The following EPHA5 variants were observed in gnomAD, a reference collection of about 807,000 sequenced individuals.
EPHA5 encodes the protein EPH receptor A5.
Under a neutral mutation model 105.0 loss-of-function variants are expected in EPHA5, and 60 were observed. That is an observed-to-expected ratio of 0.57 (90% CI 0.46 to 0.71). The LOEUF is 0.71. Ranked by LOEUF, EPHA5 falls within the 30% of genes least tolerant of loss-of-function variation. The probability of loss-of-function intolerance (pLI) is 0.00; values close to 1 mark genes in which losing one functional copy is unlikely to be tolerated. For missense variants in EPHA5, 1,218 were observed against 1,274.7 expected (o/e 0.96, Z 0.68); for synonymous variants, 513 against 449.1 (o/e 1.14, Z -1.80).
intron 16 of EPHA5, among the ~76,000 whole-genome samples, chr4:65,326,468 C>G (rs1720091380): frequency 6.6e-6 from 1 of 151,280 alleles, no homozygotes; most frequent in African/African-American, 2.4e-5. Context: ...GGGAATGAAA[C>G]ACATACTTTG....
chr4:65,323,727 T>C lies in EPHA5; in HGVS notation c.*387A>G, dbSNP rs527723610. 177 of 231,642 alleles carry C rather than the reference T, an allele frequency of 7.6e-4. 2 individuals carry two copies. The South Asian group carries it at 7.9e-3, about 10-fold the overall frequency. 14.3% of individuals were successfully genotyped at this position (231,642 alleles called of 1,614,324 possible). On this transcript the variant is annotated 3_prime_UTR_variant, in exon 17 of 17. Transcript: ENST00000613740. ...GCTTTTGTTAGCTCACAAATGGCTA[T>C]AAAACATTTCCTTTCAAGTAGATCC...
chr4:65,596,323 G>A (rs1445277738), intron 3 of EPHA5, among the ~76,000 whole-genome samples: 1 of 152,038 alleles, frequency 6.6e-6, no homozygotes, highest in African/African-American at 2.4e-5. Flanking sequence ...GGAGTGGGGT[G>A]TCCTACTGCG....
At chr4:65,440,068 T>C (rs1725865590) in intron 5 of EPHA5, among the ~76,000 whole-genome samples, 1 of 152,048 alleles carries the variant, frequency 6.6e-6, no homozygotes, top group Admixed American at 6.6e-5. Context: ...TTATATATGG[T>C]CTTTGAGAAT....
At chr4:65,361,070 C>G (rs1389845129) in intron 11 of EPHA5, among the ~76,000 whole-genome samples, 1 of 151,634 alleles carries the variant, frequency 6.6e-6, no homozygotes, top group Non-Finnish European at 1.5e-5. Context: ...GGGCTTGGAT[C>G]TAGGAACACA....
chr4:65,595,451 G>GA (rs1743076744), intron 3 of EPHA5, among the ~76,000 whole-genome samples: 2 of 151,974 alleles, frequency 1.3e-5, no homozygotes, highest in East Asian at 1.9e-4. Flanking sequence ...TTACCCATTG[G>GA]AAAAAATGTA....
chr4:65,346,967 G>A (rs28706259), intron 14 of EPHA5, among the ~76,000 whole-genome samples: 1,603 of 152,276 alleles, frequency 0.011, 27 homozygotes, highest in African/African-American at 0.037. Context: ...CCTACAATTA[G>A]TCTAGGCCTC....
chr4:65,422,012 C>T (rs1406354739), intron 5 of EPHA5, among the ~76,000 whole-genome samples: 1 of 151,994 alleles, frequency 6.6e-6, no homozygotes, highest in African/African-American at 2.4e-5. Flanking sequence ...AAATAAATAC[C>T]AACACAGAAA....
intron 2 of EPHA5, among the ~76,000 whole-genome samples, chr4:65,623,809 T>C (rs1160269791): frequency 2.0e-5 from 3 of 152,282 alleles, no homozygotes; most frequent in African/African-American, 7.2e-5. Context: ...TATTGAGGAA[T>C]TCACATGAAA....
At chr4:65,569,625 C>G (rs1270023509) in intron 3 of EPHA5, among the ~76,000 whole-genome samples, 1 of 151,566 alleles carries the variant, frequency 6.6e-6, no homozygotes, top group Non-Finnish European at 1.5e-5. Context: ...TTACTTGAAA[C>G]ATGCATGAAA....
chr4:65,561,534 C>T (rs1485343407), intron 3 of EPHA5, among the ~76,000 whole-genome samples: 1 of 152,026 alleles, frequency 6.6e-6, no homozygotes, highest in Non-Finnish European at 1.5e-5. Context: ...AGGCTGTTCA[C>T]AGTGGTCCAT....
At chr4:65,562,390 C>T (rs1304642349) in intron 3 of EPHA5, among the ~76,000 whole-genome samples, 2 of 151,922 alleles carry the variant, frequency 1.3e-5, no homozygotes, top group East Asian at 1.9e-4. Flanking sequence ...CCAAAATGAC[C>T]ATAAATATTT....
intron 3 of EPHA5, among the ~76,000 whole-genome samples, chr4:65,506,563 C>T (rs1733048442): frequency 1.4e-5 from 2 of 145,378 alleles, no homozygotes; most frequent in Admixed American, 1.4e-4. Flanking sequence ...GAGATGGTAT[C>T]TCATTGTGGT....
intron 7 of EPHA5, among the ~76,000 whole-genome samples, chr4:65,411,053 GT>G (rs1722861986): frequency 6.6e-6 from 1 of 151,894 alleles, no homozygotes; most frequent in South Asian, 2.1e-4. Context: ...GTTTTGTTTT[GT>G]TTTATCACTG....
At chr4:65,356,433 A>G (rs1161387481) in intron 11 of EPHA5, among the ~76,000 whole-genome samples, 1 of 151,414 alleles carries the variant, frequency 6.6e-6, no homozygotes, top group African/African-American at 2.4e-5. Context: ...TTTATACCCT[A>G]AAGAGAATGT....
chr4:65,350,457 A>C (rs975015803), intron 13 of EPHA5, among the ~76,000 whole-genome samples: 1 of 152,138 alleles, frequency 6.6e-6, no homozygotes, highest in Non-Finnish European at 1.5e-5. Flanking sequence ...ATATGAAAAC[A>C]TGCATATTAC....
intron 2 of EPHA5, among the ~76,000 whole-genome samples, chr4:65,604,158 G>T (rs1744003305): frequency 4.3e-4 from 4 of 9,396 alleles, no homozygotes; most frequent in Non-Finnish European, 6.4e-4. Flanking sequence ...ATTCTAGTAG[G>T]ATCCTCCTAG....
chr4:65,571,012 G>A (rs778216540), intron 3 of EPHA5, among the ~76,000 whole-genome samples: 13 of 151,718 alleles, frequency 8.6e-5, no homozygotes, highest in South Asian at 2.1e-4. Context: ...TCTCCCTTCC[G>A]CTGCCCACTC....
intron 1 of EPHA5, among the ~76,000 whole-genome samples, chr4:65,662,649 G>A (rs1339575625): frequency 2.0e-5 from 3 of 152,186 alleles, no homozygotes; most frequent in Admixed American, 6.5e-5. Flanking sequence ...TTAGGCTGGG[G>A]TTTTATCTTC....
intron 3 of EPHA5, among the ~76,000 whole-genome samples, chr4:65,583,187 T>A (rs1741805462): frequency 6.6e-6 from 1 of 151,622 alleles, no homozygotes; most frequent in Non-Finnish European, 1.5e-5. Flanking sequence ...GTTTATATTC[T>A]AAGGAGAGAG....
Sources: gnomAD v4.1 joint callset for allele counts (sites outside exome capture counted in the v4.1 genomes callset) on GRCh38, gnomAD v4.1.1 for gene constraint, MANE v1.5 for transcripts, NCBI Gene and HGNC (gene_info 2026-07-23, HGNC 2026-07-21) for gene names.